STK16: variants seen among roughly 807,000 people sequenced by gnomAD.
STK16 encodes serine/threonine kinase 16.
Under a neutral mutation model 37.8 loss-of-function variants are expected in STK16, and 28 were observed. The ratio of observed to expected loss-of-function variants is 0.74; its 90% CI spans 0.55 to 1.02. STK16 has a LOEUF of 1.02. STK16 is among the 50% of genes least tolerant of loss of function. The pLI, the probability that STK16 is intolerant of heterozygous loss-of-function variation, is 0.00. For missense variants in STK16, 349 were observed against 390.6 expected (o/e 0.89, Z 0.90); for synonymous variants, 134 against 155.0 (o/e 0.86, Z 1.01).
In STK16 at chr2:219,245,792, A is replaced by C; in HGVS notation, c.-109A>C. On this transcript the variant is annotated 5_prime_UTR_variant, in exon 1 of 8. Coordinates refer to ENST00000396738, the MANE Select transcript of STK16 (RefSeq NM_001330213.2). ...GAGCAGGGCCTGTTTTCTCTACACTATAGTGTAGGTTCCAGAGACCTGGGC... is the reference window on the plus strand; with the variant it reads ...GAGCAGGGCCTGTTTTCTCTACACTCTAGTGTAGGTTCCAGAGACCTGGGC... The C allele has an allele frequency of 1.3e-5, 6 of 470,714 alleles. No individual in the cohort carries two copies. The highest frequency in any genetic ancestry group is 4.0e-5 in the East Asian group (1 of 24,704). The allele number at this position is 470,714 out of a possible 1,614,324, so 29.2% of individuals were successfully genotyped here.
Position 219,248,418 on chromosome 2 carries a change from C to A in STK16, c.780-3C>A. 6.2e-7 allele frequency: 1 copy of A among 1,613,642 alleles called. No homozygotes were observed. Among genetic ancestry groups the A allele is most frequent in the South Asian group, 1.1e-5 (1 of 91,040 alleles). ...CGGTCACCCTGGGCTCCTCCCTCCA[C>A]AGGCATTCTTCAGCATTGCGGCAGC... On this transcript the variant is annotated splice_region_variant and splice_polypyrimidine_tract_variant and intron_variant, in intron 7 of 7. Transcript: ENST00000396738.
intron 6 of STK16, 171 bp downstream of exon 6, chr2:219,247,928 A>G (rs1429544484): frequency 4.9e-6 from 4 of 823,172 alleles, no homozygotes; most frequent in Non-Finnish European, 8.1e-6. Flanking sequence ...ACCCAGTTGT[A>G]CCGGATGTGG....
chr2:219,247,008 T>G (rs1316000207), intron 3 of STK16, 105 bp from the exon 4 acceptor site: 16 of 1,554,062 alleles, frequency 1.0e-5, no homozygotes, highest in Non-Finnish European at 1.4e-5. Context: ...GAGTTTGAGG[T>G]GTGTATCATG....
At position 219,250,143 on chromosome 2, in the gene STK16, T is replaced by A; in HGVS notation, c.*1584T>A. On this transcript the variant is annotated 3_prime_UTR_variant, in exon 8 of 8. Transcript: ENST00000396738. This position sits in a 1 kb window ranked among gnomAD's most constrained non-coding sequence, Gnocchi z 8.4. ...CAATTTAAAGTCCCTGGGGTTATGCTTCCTGGGCCTGGCAAGAACCCCTTT... is the reference window on the plus strand; with the variant it reads ...CAATTTAAAGTCCCTGGGGTTATGCATCCTGGGCCTGGCAAGAACCCCTTT... 1 of 741,282 alleles carries A rather than the reference T, an allele frequency of 1.3e-6. No homozygotes were observed. Among genetic ancestry groups the A allele is most frequent in the Non-Finnish European group, 2.2e-6 (1 of 447,180 alleles). The allele number at this position is 741,282 out of a possible 1,614,324, so 45.9% of individuals were successfully genotyped here.
In STK16 at chr2:219,247,220, C is replaced by T. The variant is rs1951555405; in HGVS notation, c.414C>T (p.Ala138=). The T allele has an allele frequency of 3.7e-6, 6 of 1,614,178 alleles. No homozygotes were observed. The highest frequency in any genetic ancestry group is 4.2e-6 in the Non-Finnish European group (5 of 1,180,042). ...TGGGGATCTGCAGAGGCCTTGAGGC[C>T]ATTCATGCCAAGGGTTATGCCCACA... The part of the protein sequence containing the change: ...LLLGICRGLE[A]IHAKGYAHRD... The change falls in exon 4 of 8, where the codon GCC becomes GCT. Residue 138 remains alanine, a synonymous_variant. Coordinates refer to ENST00000396738, the MANE Select transcript of STK16 (RefSeq NM_001330213.2).
chr2:219,246,114 C>T lies in STK16; in HGVS notation c.86+29C>T, dbSNP rs763336504. On this transcript the variant is annotated intron_variant, in intron 2 of 7. Coordinates refer to ENST00000396738, the MANE Select transcript of STK16 (RefSeq NM_001330213.2). This position sits in a 1 kb window ranked among gnomAD's most constrained non-coding sequence, Gnocchi z 4.5. ...AGTGTTTGGAAGTCAGTTAACTAGT[C>T]CTCAAGTTTATGATCATTGAAGGAC... 3 of 1,592,616 alleles carry T rather than the reference C, an allele frequency of 1.9e-6. No homozygotes were observed. In the South Asian group the frequency reaches 3.3e-5, roughly 18 times the overall value.
chr2:219,246,951 T>G lies in STK16; in HGVS notation c.306+75T>G. On this transcript the variant is annotated intron_variant, in intron 3 of 7. Transcript: ENST00000396738. This position sits in a 1 kb window ranked among gnomAD's most constrained non-coding sequence, Gnocchi z 4.5. ...CAAGGGCTGTGTGAGCAGTCCAGCA[T>G]GTTAGGAAGCAGGGACCATGTCCTG... 6.5e-7 allele frequency: 1 copy of G among 1,530,570 alleles called. No homozygotes were observed. Among genetic ancestry groups the G allele is most frequent in the Non-Finnish European group, 8.9e-7 (1 of 1,128,094 alleles). 94.8% of individuals were successfully genotyped at this position (1,530,570 alleles called of 1,614,324 possible). A position where few individuals can be genotyped will look rare whatever the true frequency, so the allele number is the denominator to read the frequency against.
In STK16 at chr2:219,248,480, GTCCTCACAT is replaced by G; in HGVS notation, c.845_853del (p.His282_Pro284del). On this transcript the variant is annotated inframe_deletion, in exon 8 of 8. Transcript: ENST00000396738. ...ATGATGACCGTGGACCCGCATCAGC[GTCCTCACAT>G]TCCTCTCCTCCTCAGTCAGCTGGAG... The G allele has an allele frequency of 6.2e-7, 1 of 1,614,116 alleles. No homozygotes were observed. Among genetic ancestry groups the G allele is most frequent in the Non-Finnish European group, 8.5e-7 (1 of 1,180,012 alleles).
intron 6 of STK16, 84 bp from the exon 7 acceptor site, chr2:219,248,109 T>C: frequency 6.4e-7 from 1 of 1,574,166 alleles, no homozygotes; most frequent in Non-Finnish European, 8.6e-7. Context: ...TTTTAGCTTA[T>C]GGAGTCTCCT....
At position 219,248,554 on chromosome 2, in the gene STK16, A is replaced by T; in HGVS notation, c.913A>T (p.Ile305Phe). The change falls in exon 8 of 8, where the codon ATC becomes TTC. Residue 305 changes from isoleucine to phenylalanine, a missense_variant. Physicochemically the swap from Ile to Phe is conservative, Grantham distance 21. Transcript: ENST00000396738. ...AGCTCCTGGCCAACATACTACCCAA[A>T]TCTGAAAAAGCAGCATGTTGAGAAG... ...PPAPGQHTTQ[I>F] 1.2e-6 allele frequency: 2 copies of T among 1,606,636 alleles called. No homozygotes were observed. The highest frequency in any genetic ancestry group is 2.2e-5 in the South Asian group (2 of 90,630).
Position 219,246,998 on chromosome 2 carries a change from G to T in STK16, c.307-115G>T. On this transcript the variant is annotated intron_variant, in intron 3 of 7. Coordinates refer to ENST00000396738, the MANE Select transcript of STK16 (RefSeq NM_001330213.2). The surrounding 1 kb of genome is among the most constrained non-coding windows in gnomAD (Gnocchi z 4.5). ...CCTGGGTTTGGCCACTTTAGATTTT[G>T]AGTTTGAGGTGTGTATCATGAAAGG... 6.5e-7 allele frequency: 1 copy of T among 1,543,526 alleles called. No homozygotes were observed. The highest frequency in any genetic ancestry group is 1.2e-5 in the South Asian group (1 of 82,946).
Position 219,246,035 on chromosome 2 carries a change from T to A in STK16, c.36T>A (p.Thr12=). The change falls in exon 2 of 8, where the codon ACT becomes ACA. Residue 12 remains threonine, a synonymous_variant. Transcript: ENST00000396738. This position sits in a 1 kb window ranked among gnomAD's most constrained non-coding sequence, Gnocchi z 4.5. ...CGCTGTGTGTCTGCTCTCGGGGAAC[T>A]GTCATCATTGACAATAAGCGCTACC... The part of the protein sequence containing the change: ...GHALCVCSRG[T]VIIDNKRYLF... 1 of 1,614,112 alleles carries A rather than the reference T, an allele frequency of 6.2e-7. No individual in the cohort carries two copies. The highest frequency in any genetic ancestry group is 8.5e-7 in the Non-Finnish European group (1 of 1,179,998).
At position 219,245,884 on chromosome 2, in the gene STK16, T is replaced by G; in HGVS notation, c.-104-12T>G. 1 of 772,910 alleles carries G rather than the reference T, an allele frequency of 1.3e-6. No individual in the cohort carries two copies. The highest frequency in any genetic ancestry group is 1.7e-5 in the African/African-American group (1 of 57,270). 47.9% of individuals were successfully genotyped at this position (772,910 alleles called of 1,614,324 possible). A position where few individuals can be genotyped will look rare whatever the true frequency, so the allele number is the denominator to read the frequency against. On this transcript the variant is annotated splice_polypyrimidine_tract_variant and intron_variant, in intron 1 of 7. Coordinates refer to ENST00000396738, the MANE Select transcript of STK16 (RefSeq NM_001330213.2). ...TGCCGGACCTGTGACCCTGCCGTTGTTTTCTTTCCAGCATGATCCGCTGGG... is the reference window on the plus strand; with the variant it reads ...TGCCGGACCTGTGACCCTGCCGTTGGTTTCTTTCCAGCATGATCCGCTGGG...
In STK16 at chr2:219,246,060, C is replaced by A; in HGVS notation, c.61C>A (p.Leu21Ile). ...TGTCATCATTGACAATAAGCGCTAC[C>A]TCTTCATCCAGAAACTGGGGGAGGG... ...GTVIIDNKRY[L>I]FIQKLGEGGF... The change falls in exon 2 of 8, where the codon CTC becomes ATC. Residue 21 changes from leucine (L) to isoleucine (I), a missense_variant. Physicochemically the swap from Leu to Ile is conservative, Grantham distance 5 (BLOSUM62 2). Coordinates refer to ENST00000396738, the MANE Select transcript of STK16 (RefSeq NM_001330213.2). The surrounding 1 kb of genome is among the most constrained non-coding windows in gnomAD (Gnocchi z 4.5). The A allele has an allele frequency of 2.5e-6, 4 of 1,614,034 alleles. No individual in the cohort carries two copies. The highest frequency in any genetic ancestry group is 3.4e-6 in the Non-Finnish European group (4 of 1,179,974).
chr2:219,246,377 C>T lies in STK16; in HGVS notation c.87-280C>T. On this transcript the variant is annotated intron_variant, in intron 2 of 7. Coordinates refer to ENST00000396738, the MANE Select transcript of STK16 (RefSeq NM_001330213.2). The surrounding 1 kb of genome is among the most constrained non-coding windows in gnomAD (Gnocchi z 4.5). ...GATAATGTGTATAAAATGTCTCACC[C>T]AATGCGGGGTTGACAAGTACTTGAT... The T allele has an allele frequency of 1.6e-6, 1 of 609,374 alleles. No individual in the cohort carries two copies. The allele number at this position is 609,374 out of a possible 1,614,324, so 37.7% of individuals were successfully genotyped here. A position where few individuals can be genotyped will look rare whatever the true frequency, so the allele number is the denominator to read the frequency against.
chr2:219,248,436 G>T lies in STK16; in HGVS notation c.795G>T (p.Leu265Phe), dbSNP rs1332560208. ...CCCTCCACAGGCATTCTTCAGCATT[G>T]CGGCAGCTCCTGAACTCGATGATGA... ...IPQSPRHSSA[L>F]RQLLNSMMTV... is the part of the protein sequence containing the mutation. The change falls in exon 8 of 8, where the codon TTG becomes TTT. Residue 265 changes from leucine (L) to phenylalanine (F), a missense_variant. Physicochemically the swap from Leu to Phe is conservative, Grantham distance 22. Coordinates refer to ENST00000396738, the MANE Select transcript of STK16 (RefSeq NM_001330213.2). 1 of 1,613,994 alleles carries T rather than the reference G, an allele frequency of 6.2e-7. No homozygotes were observed. The highest frequency in any genetic ancestry group is 1.7e-5 in the Admixed American group (1 of 60,002).
At position 219,246,182 on chromosome 2, in the gene STK16, C is replaced by T. The variant is rs1211934186; in HGVS notation, c.86+97C>T. ...TGGGGCACAAGGGTTTTATCCCTATCCCTGTCCTCTCTCACCTGACAGAAC... is the reference window on the plus strand; with the variant it reads ...TGGGGCACAAGGGTTTTATCCCTATTCCTGTCCTCTCTCACCTGACAGAAC... On this transcript the variant is annotated intron_variant, in intron 2 of 7. Coordinates refer to ENST00000396738, the MANE Select transcript of STK16 (RefSeq NM_001330213.2). The surrounding 1 kb of genome is among the most constrained non-coding windows in gnomAD (Gnocchi z 4.5). 5.7e-6 allele frequency: 6 copies of T among 1,049,388 alleles called. No individual in the cohort carries two copies. Among genetic ancestry groups the T allele is most frequent in the Non-Finnish European group, 8.5e-6 (6 of 704,882 alleles). 65.0% of individuals were successfully genotyped at this position (1,049,388 alleles called of 1,614,324 possible).
At position 219,248,604 on chromosome 2, in the gene STK16, G is replaced by A. The variant is rs755710606; in HGVS notation, c.*45G>A. The A allele has an allele frequency of 6.4e-7, 1 of 1,566,414 alleles. No homozygotes were observed. The highest frequency in any genetic ancestry group is 8.7e-7 in the Non-Finnish European group (1 of 1,155,376). On this transcript the variant is annotated 3_prime_UTR_variant, in exon 8 of 8. Coordinates refer to ENST00000396738, the MANE Select transcript of STK16 (RefSeq NM_001330213.2). ...GATGGCCCCTTGTGCCTTGGAAAGA[G>A]GTTCCCATCCCTCATTGGAATCACC...
At chr2:219,247,010 T>A in intron 3 of STK16, 103 bp from the exon 4 acceptor site, 1 of 1,558,574 alleles carries the variant, frequency 6.4e-7, no homozygotes, top group South Asian at 1.2e-5. Flanking sequence ...GTTTGAGGTG[T>A]GTATCATGAA....
Sources: allele counts gnomAD v4.1 joint callset, GRCh38; gene constraint gnomAD v4.1.1; non-coding constraint Gnocchi (gnomAD v3.1); transcripts MANE v1.5; gene names NCBI Gene and HGNC (gene_info 2026-07-23, HGNC 2026-07-21).